Variants in SNX29 observed in about 807,000 individuals in gnomAD.
SNX29 encodes the protein sorting nexin-29.
Under a neutral mutation model 102.1 loss-of-function variants are expected in SNX29, and 78 were observed. The observed-to-expected ratio is 0.76, with a 90% CI of 0.64 to 0.92. The LOEUF (loss-of-function observed/expected upper bound fraction) is 0.92, where lower values mean the gene tolerates loss of function less well. SNX29 is among the 40% of genes least tolerant of loss of function. The pLI is 0.00. For synonymous variants in SNX29, 580 were observed against 414.5 expected (o/e 1.40, Z -4.85); for missense variants, 1,280 against 1,061.7 (o/e 1.21, Z -2.86).
chr16:12,083,955 G>A (rs981444484), intron 11 of SNX29, among the ~76,000 whole-genome samples: 6 of 152,088 alleles, frequency 3.9e-5, no homozygotes, highest in African/African-American at 1.2e-4. Flanking sequence ...GTCTTCTATC[G>A]AGCAACCTTT....
intron 18 of SNX29, among the ~76,000 whole-genome samples, chr16:12,436,364 AGACAGC>A (rs2085538496): frequency 6.6e-6 from 1 of 152,200 alleles, no homozygotes; most frequent in South Asian, 2.1e-4. Flanking sequence ...TAGTACCAGG[AGACAGC>A]GACAGCTTGG....
intron 14 of SNX29, among the ~76,000 whole-genome samples, chr16:12,274,752 G>A (rs1472064362): frequency 1.3e-5 from 2 of 152,034 alleles, no homozygotes; most frequent in Non-Finnish European, 2.9e-5. Context: ...GCCCAGGCTT[G>A]TATTCTATTT....
chr16:12,403,615 G>C, intron 18 of SNX29, 86 bp downstream of exon 18: 1 of 1,305,420 alleles, frequency 7.7e-7, no homozygotes, highest in East Asian at 2.5e-5. Flanking sequence ...CCTCTTGGTG[G>C]TGGGGCGCTA....
At chr16:12,529,770 G>A (rs866071193) in intron 20 of SNX29, among the ~76,000 whole-genome samples, 1 of 152,118 alleles carries the variant, frequency 6.6e-6, no homozygotes, top group South Asian at 2.1e-4. Context: ...CAGTGAGCAG[G>A]TTACGTTTAG....
intron 19 of SNX29, among the ~76,000 whole-genome samples, chr16:12,486,439 T>G (rs943653979): frequency 6.6e-6 from 1 of 152,206 alleles, no homozygotes; most frequent in African/African-American, 2.4e-5. Context: ...CCTTCTTCCT[T>G]CTTCCTTGTC....
intron 13 of SNX29, among the ~76,000 whole-genome samples, chr16:12,152,265 G>A (rs1477707598): frequency 6.6e-6 from 1 of 152,134 alleles, no homozygotes; most frequent in East Asian, 1.9e-4. Flanking sequence ...GATTCACATC[G>A]TAGAATCTTT....
chr16:12,089,602 G>A (rs762411326), intron 11 of SNX29, among the ~76,000 whole-genome samples: 33 of 152,322 alleles, frequency 2.2e-4, no homozygotes, highest in Non-Finnish European at 2.9e-4. Flanking sequence ...CAGGATGGGG[G>A]GTTTGGCCTG....
chr16:12,293,760 A>C (rs74465002), intron 15 of SNX29, among the ~76,000 whole-genome samples: 2,867 of 152,246 alleles, frequency 0.019, 110 homozygotes, highest in African/African-American at 0.066. Flanking sequence ...CTTTTTTATC[A>C]ATTAATTTTG....
chr16:12,145,201 TA>T (rs74268785), intron 13 of SNX29, among the ~76,000 whole-genome samples: 30,388 of 143,068 alleles, frequency 0.21, 3,388 homozygotes, highest in Middle Eastern at 0.29. Flanking sequence ...TTTTCATACT[TA>T]AAAAAAAAAA....
intron 18 of SNX29, among the ~76,000 whole-genome samples, chr16:12,443,808 G>C (rs1387984758): frequency 6.6e-6 from 1 of 152,234 alleles, no homozygotes; most frequent in Non-Finnish European, 1.5e-5. Context: ...GTGTGACTTT[G>C]GTCTAGTAAG....
intron 1 of SNX29, among the ~76,000 whole-genome samples, chr16:11,987,623 C>T (rs1309332094): frequency 2.0e-5 from 3 of 152,116 alleles, no homozygotes; most frequent in Non-Finnish European, 4.4e-5. Flanking sequence ...TCTTAAACTC[C>T]TGGCCTTGTG....
At chr16:12,521,898 G>A (rs1046172757) in intron 19 of SNX29, among the ~76,000 whole-genome samples, 2 of 152,214 alleles carry the variant, frequency 1.3e-5, no homozygotes, top group Non-Finnish European at 2.9e-5. Context: ...TCCTGCCAGG[G>A]TGTGAGATGT....
intron 16 of SNX29, among the ~76,000 whole-genome samples, chr16:12,371,021 G>T (rs2082662992): frequency 2.0e-5 from 3 of 152,218 alleles, no homozygotes. Flanking sequence ...TCTTGCCCAT[G>T]AGGTCTGCAG....
chr16:12,540,005 C>G (rs193052986), intron 20 of SNX29, among the ~76,000 whole-genome samples: 3 of 152,262 alleles, frequency 2.0e-5, no homozygotes, highest in Admixed American at 6.5e-5. Context: ...TTTTCAGTGT[C>G]TTTTGCATGA....
chr16:12,125,603 CTCTTTTTTTTTTTTTTTTTTTTTTT>C lies in SNX29; in HGVS notation c.1403-1028_1403-1004del, dbSNP rs1387123172. ...CAAGGGGGGCTTGTGGCTGAGATCT[CTCTTTTTTTTTTTTTTTTTTTTTTT>C]TTTTTTTTTTTTTGAGATGAGGTCT... is the stretch of plus-strand genomic sequence containing the variant. On this transcript the variant is annotated intron_variant, in intron 11 of 20. Coordinates refer to ENST00000566228, the MANE Select transcript of SNX29 (RefSeq NM_032167.5). Among the ~76,000 whole-genome samples, 80 of 71,496 alleles carry C rather than the reference CTCTTTTTTTTTTTTTTTTTTTTTTT, an allele frequency of 1.1e-3. 2 individuals are homozygous for C. Among genetic ancestry groups the C allele is most frequent in the Non-Finnish European group, 1.7e-3 (62 of 37,434 alleles). The allele number at this position is 71,496 out of a possible 152,430, so 46.9% of individuals were successfully genotyped here. A position where few individuals can be genotyped will look rare whatever the true frequency, so the allele number is the denominator to read the frequency against.
intron 14 of SNX29, among the ~76,000 whole-genome samples, chr16:12,264,833 C>T (rs1300468241): frequency 1.3e-5 from 2 of 152,090 alleles, no homozygotes; most frequent in East Asian, 3.8e-4. Flanking sequence ...CTATTGCCCT[C>T]CATATCCCAG....
At chr16:12,424,909 C>G (rs116678959) in intron 18 of SNX29, among the ~76,000 whole-genome samples, 5 of 152,150 alleles carry the variant, frequency 3.3e-5, no homozygotes, top group African/African-American at 1.2e-4. Context: ...TCAACCACAT[C>G]AATAAATGGA....
chr16:12,567,659 G>A (rs560115887), intron 20 of SNX29, among the ~76,000 whole-genome samples: 21 of 152,150 alleles, frequency 1.4e-4, no homozygotes, highest in Middle Eastern at 3.2e-3. Context: ...CTGCTCAGGA[G>A]GCTGAGGTGA....
rs192896912 is a variant in SNX29, at chr16:12,466,823, G to T, written c.2038-10896G>T. 1.4e-4 allele frequency among the ~76,000 whole-genome samples: 22 copies of T among 152,340 alleles called. No homozygotes were observed. The East Asian group carries it at 3.7e-3, about 25-fold the overall frequency. ...CGGTGGGCTCCGAGGGGATTGGAAAGTCCATTAACTTAGCAGGGTGACATA... is the reference window on the plus strand; with the variant it reads ...CGGTGGGCTCCGAGGGGATTGGAAATTCCATTAACTTAGCAGGGTGACATA... On this transcript the variant is annotated intron_variant, in intron 18 of 20. Coordinates refer to ENST00000566228, the MANE Select transcript of SNX29 (RefSeq NM_032167.5).
Sources: gnomAD v4.1 joint callset for allele counts (sites outside exome capture counted in the v4.1 genomes callset) on GRCh38, gnomAD v4.1.1 for gene constraint, MANE v1.5 for transcripts, NCBI Gene and HGNC (gene_info 2026-07-23, HGNC 2026-07-21) for gene names.